MUC6: variants seen among roughly 807,000 people sequenced by gnomAD.
The protein encoded by MUC6 is mucin 6, oligomeric mucus/gel-forming (gene/pseudogene).
MUC6 carries 188 observed loss-of-function variants against 201.5 expected under a neutral mutation model. The observed-to-expected ratio is 0.93, with a 90% CI of 0.83 to 1.05. The LOEUF (loss-of-function observed/expected upper bound fraction) is 1.05, where lower values mean the gene tolerates loss of function less well. Ranked by LOEUF, MUC6 falls within the 50% of genes least tolerant of loss-of-function variation. The pLI, the probability that MUC6 is intolerant of heterozygous loss-of-function variation, is 0.00. For synonymous variants in MUC6, 1,228 were observed against 1,389.4 expected (o/e 0.88, Z 2.58); for missense variants, 2,706 against 3,256.9 (o/e 0.83, Z 4.12).
At chr11:1,032,711 TTG>T (rs748845705) in intron 2 of MUC6, among the ~76,000 whole-genome samples, 40 of 145,146 alleles carry the variant, frequency 2.8e-4, no homozygotes, top group Non-Finnish European at 1.4e-4. Context: ...TGTGTGTAGG[TTG>T]TGTGTGTTGG....
At position 1,028,112 on chromosome 11, in the gene MUC6, G is replaced by T. The variant is rs1311993920; in HGVS notation, c.1754-53C>A. The T allele has an allele frequency of 1.3e-5, 20 of 1,543,598 alleles. No homozygotes were observed. In the East Asian group the frequency reaches 4.4e-4, roughly 34 times the overall value. On this transcript the variant is annotated intron_variant, in intron 14 of 32. Transcript: ENST00000421673. ...CCCGGCCCCTCCCATTCCAGCTACG[G>T]CTCCTCCCAGGGACCCCCCACCCTG...
chr11:1,020,357 C>A lies in MUC6; in HGVS notation c.3641-100G>T, dbSNP rs1466056143. 6.3e-6 allele frequency: 9 copies of A among 1,434,808 alleles called. No homozygotes were observed. In the East Asian group the frequency reaches 2.1e-4, roughly 33 times the overall value. 88.9% of individuals were successfully genotyped at this position (1,434,808 alleles called of 1,614,324 possible). A position where few individuals can be genotyped will look rare whatever the true frequency, so the allele number is the denominator to read the frequency against. On this transcript the variant is annotated intron_variant, in intron 28 of 32. Transcript: ENST00000421673. The stretch of plus-strand genomic sequence containing the variant: ...TTGGCCCTGAAGCCGGGCAGCCCTG[C>A]AGGGGCCAATGATGTGCAGTTGAGG...
intron 26 of MUC6, 99 bp downstream of exon 26, chr11:1,023,410 G>A (rs1856870522): frequency 7.2e-7 from 1 of 1,389,420 alleles, no homozygotes; most frequent in Admixed American, 2.1e-5. Flanking sequence ...GAGCATGAAT[G>A]AATGTGTGAA....
At position 1,027,431 on chromosome 11, in the gene MUC6, C is replaced by T. The variant is rs1564841974; in HGVS notation, c.2068G>A (p.Glu690Lys). Reference protein sequence around the residue: ...TCLSLSDRATECHHSAVPVDG... With the variant: ...TCLSLSDRATKCHHSAVPVDG... ...ACGGGCACGGCGCTGTGGTGGCACT[C>T]GGTGGCACGGTCCGACAGCGACAGG... The change falls in exon 17 of 33, where the codon GAG becomes AAG. Residue 690 changes from glutamate to lysine, a missense_variant. Transcript: ENST00000421673. 7.4e-6 allele frequency: 12 copies of T among 1,612,768 alleles called. 1 individual carries two copies. Among genetic ancestry groups the T allele is most frequent in the South Asian group, 3.3e-5 (3 of 91,070 alleles).
At chr11:1,025,107 G>T (rs1015022258) in intron 23 of MUC6, 24 bp from the exon 24 acceptor site, 2 of 1,612,386 alleles carry the variant, frequency 1.2e-6, no homozygotes. Context: ...CATCAGGCCG[G>T]GCCCAGGGGC....
chr11:1,027,892 C>G, intron 15 of MUC6, 73 bp downstream of exon 15: 1 of 1,571,580 alleles, frequency 6.4e-7, no homozygotes, highest in Admixed American at 1.9e-5. Flanking sequence ...AACCTATGCC[C>G]TTGGGTGCCT....
intron 27 of MUC6, 44 bp downstream of exon 27, chr11:1,021,171 A>C (rs749609552): frequency 3.6e-5 from 54 of 1,515,142 alleles, no homozygotes; most frequent in Non-Finnish European, 4.7e-5. Context: ...TTCTGCCTGC[A>C]TGCAGGCAGG....
chr11:1,014,862 G>A (rs1029926991), intron 31 of MUC6, among the ~76,000 whole-genome samples: 3 of 152,198 alleles, frequency 2.0e-5, no homozygotes, highest in African/African-American at 7.2e-5. Context: ...CCTCCCAGCT[G>A]GTTCCTGCTC....
At chr11:1,031,393 A>G (rs1208103689) in intron 4 of MUC6, 134 bp from the exon 5 acceptor site, 3 of 1,157,586 alleles carry the variant, frequency 2.6e-6, no homozygotes, top group African/African-American at 3.2e-5. Context: ...TTCTTATGGG[A>G]GGCTAATTTT....
chr11:1,020,024 C>T, intron 29 of MUC6, 66 bp downstream of exon 29: 1 of 1,559,208 alleles, frequency 6.4e-7, no homozygotes, highest in Non-Finnish European at 8.7e-7. Flanking sequence ...CCTAAGCCCA[C>T]CCCAGAGGTG....
chr11:1,023,213 A>ATG (rs1432275054), intron 26 of MUC6, among the ~76,000 whole-genome samples: 1 of 151,510 alleles, frequency 6.6e-6, no homozygotes, highest in African/African-American at 2.4e-5. Context: ...GCATGAATGA[A>ATG]TGTGTGTGTA....
chr11:1,033,308 C>G lies in MUC6; in HGVS notation c.53-233G>C, dbSNP rs550418314. The G allele has an allele frequency of 1.7e-6, 1 of 577,820 alleles. No homozygotes were observed. Among genetic ancestry groups the G allele is most frequent in the African/African-American group, 1.9e-5 (1 of 53,702 alleles). 35.8% of individuals were successfully genotyped at this position (577,820 alleles called of 1,614,324 possible). On this transcript the variant is annotated intron_variant, in intron 1 of 32. Transcript: ENST00000421673. The surrounding 1 kb of genome is among the most constrained non-coding windows in gnomAD (Gnocchi z 5.6). ...GCTCTCGTTCACTCCCTCGTTTGTC[C>G]ACTCAGTCCCAGTTCAGCCGTCAGC...
rs1856761608 is a variant in MUC6 at position 1,019,509 on chromosome 11, G to GCC, written c.3809-15_3809-14dup. The GCC allele has an allele frequency of 6.2e-7, 1 of 1,608,726 alleles. No homozygotes were observed. On this transcript the variant is annotated splice_polypyrimidine_tract_variant and intron_variant, in intron 29 of 32. Coordinates refer to ENST00000421673, the MANE Select transcript of MUC6 (RefSeq NM_005961.3). ...GGTCTAGGTGGTTCTGCAGAGGACA[G>GCC]CCGCCCGGAACATCCCCTTGCTGTG...
chr11:1,013,814 C>T (rs1463009813), intron 32 of MUC6, 85 bp downstream of exon 32: 19 of 1,458,436 alleles, frequency 1.3e-5, no homozygotes, highest in Non-Finnish European at 1.8e-5. Context: ...GCAGCAGGCG[C>T]CTGGGTGGGG....
At chr11:1,013,717 A>AG in intron 32 of MUC6, 84 bp from the exon 33 acceptor site, 2 of 1,462,006 alleles carry the variant, frequency 1.4e-6, no homozygotes, top group East Asian at 5.0e-5. Flanking sequence ...TGCTCCGCAG[A>AG]GGCCTGGACC....
chr11:1,020,406 C>T, intron 28 of MUC6, 149 bp from the exon 29 acceptor site: 2 of 1,154,486 alleles, frequency 1.7e-6, no homozygotes, highest in East Asian at 2.5e-5. Context: ...ACTCTGAGTG[C>T]AGCCTGGCTC....
At chr11:1,029,762 G>A (rs1857057392) in intron 8 of MUC6, 147 bp from the exon 9 acceptor site, 2 of 1,160,318 alleles carry the variant, frequency 1.7e-6, no homozygotes, top group Non-Finnish European at 2.3e-6. Context: ...CTCCAGCCTG[G>A]CTCCAGGGAG....
chr11:1,024,781 TC>T, intron 24 of MUC6, 62 bp downstream of exon 24: 7 of 1,558,782 alleles, frequency 4.5e-6, no homozygotes, highest in Non-Finnish European at 6.1e-6. Context: ...CCCCGCCCCT[TC>T]CCCCGCCCCC....
At position 1,028,652 on chromosome 11, in the gene MUC6, T is replaced by A. The variant is rs1468791388; in HGVS notation, c.1585A>T (p.Thr529Ser). The A allele has an allele frequency of 6.2e-7, 1 of 1,607,958 alleles. No individual in the cohort carries two copies. Among genetic ancestry groups the A allele is most frequent in the African/African-American group, 1.3e-5 (1 of 74,844 alleles). Residue 529 changes from threonine to serine, a missense_variant, in exon 13 of 33, where the codon ACC becomes TCC. Around this residue, in one of 10 missense-constraint regions of MUC6, gnomAD observed 1,850 missense variants for 1,958.3 expected, o/e 0.94. Transcript: ENST00000421673. ...TGGAGAGGCAGGGACTCACCTCTGGTCTGACCTCTGAACTGGGGCCCAACA... is the reference window on the plus strand; with the variant it reads ...TGGAGAGGCAGGGACTCACCTCTGGACTGACCTCTGAACTGGGGCCCAACA... ...VTVGPQFRGQTRGLCGNFNGD... is the reference protein window; with the variant it reads ...VTVGPQFRGQSRGLCGNFNGD...
Sources: allele counts gnomAD v4.1 joint callset (sites outside exome capture counted in the v4.1 genomes callset), GRCh38; gene constraint gnomAD v4.1.1; regional missense constraint gnomAD v4.1.1; non-coding constraint Gnocchi (gnomAD v3.1); transcripts MANE v1.5; gene names NCBI Gene and HGNC (gene_info 2026-07-23, HGNC 2026-07-21).